Variants in ESRRG observed in about 807,000 individuals in gnomAD.
ESRRG encodes estrogen-related receptor gamma.
In ESRRG, 13 loss-of-function variants were observed where a neutral mutation model predicts 44.0. The ratio of observed to expected loss-of-function variants is 0.30; its 90% CI spans 0.19 to 0.47. The LOEUF (loss-of-function observed/expected upper bound fraction) is 0.47. Among genes scored for constraint, ESRRG ranks in the 20% least tolerant of loss-of-function variants. The pLI is 1.00. For synonymous variants in ESRRG, 215 were observed against 214.6 expected, an observed-to-expected ratio of 1.00 and a Z score of -0.02; for missense variants, 395 against 580.6, an observed-to-expected ratio of 0.68 and a Z score of 3.29.
chr1:216,634,291 A>G (rs1176042553), intron 3 of ESRRG, among the ~76,000 whole-genome samples: 2 of 152,204 alleles, frequency 1.3e-5, no homozygotes, highest in African/African-American at 4.8e-5. Flanking sequence ...AGAATTAAAG[A>G]TCCCTTTAAT....
chr1:216,918,464 T>C (rs2061447967), intron 2 of ESRRG, among the ~76,000 whole-genome samples: 1 of 152,168 alleles, frequency 6.6e-6, no homozygotes. Flanking sequence ...AAATTGCAAA[T>C]TTTTCTTCTC....
At chr1:216,801,754 A>G (rs993290040) in intron 2 of ESRRG, among the ~76,000 whole-genome samples, 1 of 152,128 alleles carries the variant, frequency 6.6e-6, no homozygotes, top group Admixed American at 6.6e-5. Context: ...GAAAATGTAT[A>G]TTCAGGTCCT....
rs562838807 is a variant in ESRRG, at chr1:216,510,778, G to A, written c.1133-3595C>T. On this transcript the variant is annotated intron_variant, in intron 6 of 6. Transcript: ENST00000408911. ...TGGGCGCCTGCAGTCCCAGCTACTC[G>A]GGAGGCTGAGGCATGAACCCGGGAG... Among the ~76,000 whole-genome samples the A allele has an allele frequency of 3.3e-5, 5 of 152,142 alleles. No individual in the cohort carries two copies. The South Asian group carries it at 1.0e-3, about 32-fold the overall frequency.
intron 1 of ESRRG, among the ~76,000 whole-genome samples, chr1:216,948,747 T>C (rs921762808): frequency 2.6e-5 from 4 of 152,158 alleles, no homozygotes; most frequent in Non-Finnish European, 4.4e-5. Context: ...TGGGTGTTTG[T>C]TTACAAGCTC....
chr1:216,783,723 A>G (rs1043079820), intron 2 of ESRRG, among the ~76,000 whole-genome samples: 6 of 151,938 alleles, frequency 3.9e-5, no homozygotes, highest in Non-Finnish European at 8.8e-5. Flanking sequence ...ACAGTACTGC[A>G]GTAATATCTA....
intron 2 of ESRRG, among the ~76,000 whole-genome samples, chr1:216,793,157 C>A (rs1386799848): frequency 6.6e-6 from 1 of 152,166 alleles, no homozygotes; most frequent in Non-Finnish European, 1.5e-5. Context: ...CTGGATATTT[C>A]TGATCATGCT....
At chr1:217,104,019 T>G (rs2092556178) in intron 1 of ESRRG, among the ~76,000 whole-genome samples, 1 of 152,186 alleles carries the variant, frequency 6.6e-6, no homozygotes, top group African/African-American at 2.4e-5. Flanking sequence ...CACTGTTTGC[T>G]CTGATCCTTG....
chr1:217,125,867 G>T (rs2092882717), intron 1 of ESRRG, among the ~76,000 whole-genome samples: 1 of 152,072 alleles, frequency 6.6e-6, no homozygotes, highest in Non-Finnish European at 1.5e-5. Context: ...AAGATGTTTG[G>T]TGTCTAGATC....
intron 3 of ESRRG, among the ~76,000 whole-genome samples, chr1:216,625,664 T>A (rs1322869661): frequency 6.6e-6 from 1 of 152,204 alleles, no homozygotes; most frequent in Non-Finnish European, 1.5e-5. Flanking sequence ...TTATATGAGC[T>A]CAGGCAAGCC....
At chr1:216,659,209 G>T (rs1239270311) in intron 2 of ESRRG, among the ~76,000 whole-genome samples, 1 of 152,088 alleles carries the variant, frequency 6.6e-6, no homozygotes, top group African/African-American at 2.4e-5. Context: ...TTACTCTCCA[G>T]TTTGCAAATA....
At chr1:216,525,997 G>C (rs1337140124) in intron 5 of ESRRG, among the ~76,000 whole-genome samples, 1 of 152,088 alleles carries the variant, frequency 6.6e-6, no homozygotes, top group Non-Finnish European at 1.5e-5. Context: ...ACACATACAG[G>C]CTCTATCTTG....
intron 2 of ESRRG, among the ~76,000 whole-genome samples, chr1:216,848,502 AT>A (rs2095794799): frequency 6.6e-6 from 1 of 152,068 alleles, no homozygotes; most frequent in South Asian, 2.1e-4. Flanking sequence ...CAGTGTATAC[AT>A]TTCATATAAC....
intron 5 of ESRRG, among the ~76,000 whole-genome samples, chr1:216,523,314 T>G (rs1572220118): frequency 6.6e-6 from 1 of 152,052 alleles, no homozygotes; most frequent in Admixed American, 6.6e-5. Flanking sequence ...GTGCTCCAAA[T>G]AAACCAGATG....
intron 1 of ESRRG, among the ~76,000 whole-genome samples, chr1:216,978,952 T>C (rs1017323236): frequency 3.3e-5 from 5 of 152,264 alleles, no homozygotes; most frequent in African/African-American, 1.2e-4. Flanking sequence ...ACAGTGACCA[T>C]GTGCACATGA....
chr1:216,530,138 G>T (rs901231935), intron 5 of ESRRG, among the ~76,000 whole-genome samples: 6 of 143,084 alleles, frequency 4.2e-5, no homozygotes, highest in African/African-American at 1.6e-4. Context: ...AAAAAAGGGG[G>T]TGGGGGAAAG....
intron 1 of ESRRG, among the ~76,000 whole-genome samples, chr1:216,977,208 CA>C (rs2073108703): frequency 6.6e-6 from 1 of 151,964 alleles, no homozygotes; most frequent in Admixed American, 6.6e-5. Flanking sequence ...TCTAGACTCG[CA>C]CATTTACTCT....
rs550724504 is a variant in ESRRG, at chr1:216,586,435, T to C, written c.590-18337A>G. 3.3e-5 allele frequency among the ~76,000 whole-genome samples: 5 copies of C among 152,326 alleles called. No individual in the cohort carries two copies. The South Asian group carries it at 1.0e-3, about 32-fold the overall frequency. ...TAAATTAAAAGCAAAGTTAAAAGTT[T>C]CATTAATTTTGGCCATTAGAGGAAT... On this transcript the variant is annotated intron_variant, in intron 3 of 6. Coordinates refer to ENST00000408911, the MANE Select transcript of ESRRG (RefSeq NM_001438.4).
chr1:216,534,353 T>G (rs893265954), intron 5 of ESRRG, among the ~76,000 whole-genome samples: 2 of 152,258 alleles, frequency 1.3e-5, no homozygotes, highest in East Asian at 3.9e-4. Flanking sequence ...TACTCAGATA[T>G]CCTAATGTCT....
At chr1:216,998,371 T>G (rs1309332012) in intron 1 of ESRRG, among the ~76,000 whole-genome samples, 1 of 152,232 alleles carries the variant, frequency 6.6e-6, no homozygotes, top group Non-Finnish European at 1.5e-5. Flanking sequence ...ACATTCTTTC[T>G]CTACACCTTT....
Sources: allele counts gnomAD v4.1 joint callset (sites outside exome capture counted in the v4.1 genomes callset), GRCh38; gene constraint gnomAD v4.1.1; transcripts MANE v1.5; gene names NCBI Gene and HGNC (gene_info 2026-07-23, HGNC 2026-07-21).